The following ZNF160 variants were observed in gnomAD, a reference collection of about 807,000 sequenced individuals.
ZNF160 encodes the protein KRAB zinc finger protein KR18.
Under a neutral mutation model 13.1 loss-of-function variants are expected in ZNF160, and 9 were observed. The ratio of observed to expected loss-of-function variants is 0.69; its 90% CI spans 0.41 to 1.20. The LOEUF is 1.20. ZNF160 is among the 50% of genes most tolerant of loss of function. ZNF160 has a pLI of 0.01. For synonymous variants in ZNF160, 293 were observed against 333.2 expected (o/e 0.88, Z 1.31); for missense variants, 838 against 988.0 (o/e 0.85, Z 2.04).
At chr19:53,096,211 T>C (rs1249652194) in intron 1 of ZNF160, among the ~76,000 whole-genome samples, 1 of 152,204 alleles carries the variant, frequency 6.6e-6, no homozygotes, top group Non-Finnish European at 1.5e-5. Flanking sequence ...AGAACGAGAC[T>C]CCGTCTCAAA....
intron 3 of ZNF160, among the ~76,000 whole-genome samples, chr19:53,082,349 G>A (rs375926283): frequency 1.3e-5 from 2 of 152,214 alleles, no homozygotes; most frequent in East Asian, 3.8e-4. Flanking sequence ...GTGGAAAAAT[G>A]AAATTGTTTT....
intron 2 of ZNF160, among the ~76,000 whole-genome samples, chr19:53,090,211 T>TTCC (rs2084983395): frequency 6.6e-6 from 1 of 151,890 alleles, no homozygotes; most frequent in African/African-American, 2.4e-5. Context: ...TGACTCCAAA[T>TTCC]TCCTCCTCCT....
At position 53,069,675 on chromosome 19, in the gene ZNF160, A is replaced by G. The variant is rs1459174248; in HGVS notation, c.859T>C (p.Cys287Arg). Residue 287 changes from cysteine (C) to arginine (R), a missense_variant, in exon 6 of 6, where the codon TGC (cysteine) becomes CGC (arginine). Cys to Arg is a radical substitution (Grantham distance 180). Coordinates refer to ENST00000683776, the MANE Select transcript of ZNF160 (RefSeq NM_001322131.2). This position sits in a 1 kb window ranked among gnomAD's most constrained non-coding sequence, Gnocchi z 4.4. ...GTAAAGGTTTTGCCGCACTCACTGC[A>G]TTTGTAAGGCTTCTCTCCACTATGA... is the stretch of plus-strand genomic sequence containing the variant. ...RIHSGEKPYKCSECGKTFTVR... is the reference protein window; with the variant it reads ...RIHSGEKPYKRSECGKTFTVR... 6.2e-7 allele frequency: 1 copy of G among 1,614,164 alleles called. No individual in the cohort carries two copies. The highest frequency in any genetic ancestry group is 8.5e-7 in the Non-Finnish European group (1 of 1,180,008).
chr19:53,100,337 G>A (rs12979992), intron 1 of ZNF160, among the ~76,000 whole-genome samples: 27,224 of 152,192 alleles, frequency 0.18, 3,004 homozygotes, highest in East Asian at 0.36. Flanking sequence ...TTGGCCGAGC[G>A]TGGTGGCTCA....
At chr19:53,100,038 T>C (rs1445740651) in intron 1 of ZNF160, among the ~76,000 whole-genome samples, 1 of 152,154 alleles carries the variant, frequency 6.6e-6, no homozygotes, top group Non-Finnish European at 1.5e-5. Flanking sequence ...ATTCCTCTTT[T>C]CCAGAAAAAC....
intron 1 of ZNF160, among the ~76,000 whole-genome samples, chr19:53,098,088 G>C (rs1374097729): frequency 6.6e-6 from 1 of 152,176 alleles, no homozygotes; most frequent in African/African-American, 2.4e-5. Flanking sequence ...CTGTTTCCCA[G>C]GTAACCTGAG....
chr19:53,093,330 T>C (rs2085104732), intron 1 of ZNF160, among the ~76,000 whole-genome samples: 1 of 151,996 alleles, frequency 6.6e-6, no homozygotes, highest in South Asian at 2.1e-4. Context: ...TCCCAGTTAC[T>C]AGGGAGGCTG....
In ZNF160 at chr19:53,068,467, G is replaced by A. The variant is rs1383573736; in HGVS notation, c.2067C>T (p.Asn689=). The A allele has an allele frequency of 3.7e-6, 6 of 1,613,206 alleles. No individual in the cohort carries two copies. In the East Asian group the frequency reaches 6.7e-5, roughly 18 times the overall value. The change falls in exon 6 of 6, where the codon AAC becomes AAT. Residue 689 remains asparagine, a synonymous_variant. Transcript: ENST00000683776. Reference sequence around the variant, plus strand: ...TCCTTTGATGATTTGCAAGGTGTGAGTTCTGAGTGAAGACCTTGCCACATT... The same window carrying A: ...TCCTTTGATGATTTGCAAGGTGTGAATTCTGAGTGAAGACCTTGCCACATT... The part of the protein sequence containing the change: ...CNQCGKVFTQ[N]SHLANHQRTH...
At chr19:53,079,660 C>CAAAAAA (rs33935376) in intron 3 of ZNF160, among the ~76,000 whole-genome samples, 1 of 124,526 alleles carries the variant, frequency 8.0e-6, no homozygotes, top group Non-Finnish European at 1.7e-5. Flanking sequence ...ACAATAGCAG[C>CAAAAAA]AAAAAAAAAA....
rs373435924 is a variant in ZNF160 at position 53,089,784 on chromosome 19, T to C, written c.-46+1629A>G. On this transcript the variant is annotated intron_variant, in intron 2 of 5. Coordinates refer to ENST00000683776, the MANE Select transcript of ZNF160 (RefSeq NM_001322131.2). ...TCCTGTGTGTTTCCCTCTCTCATTC[T>C]GTACATATCTCATCCTCACCTTCCC... Among the ~76,000 whole-genome samples, 47 of 152,238 alleles carry C rather than the reference T, an allele frequency of 3.1e-4. 1 individual carries two copies. In the South Asian group the frequency reaches 9.6e-3, roughly 31 times the overall value.
intron 1 of ZNF160, among the ~76,000 whole-genome samples, chr19:53,098,458 T>G (rs1264246766): frequency 1.3e-5 from 2 of 152,074 alleles, no homozygotes; most frequent in African/African-American, 4.8e-5. Flanking sequence ...ATTCTAGAAG[T>G]TGGCCATGCT....
chr19:53,087,723 T>G (rs1170919437), intron 2 of ZNF160, among the ~76,000 whole-genome samples: 1 of 152,126 alleles, frequency 6.6e-6, no homozygotes, highest in Non-Finnish European at 1.5e-5. Flanking sequence ...GCTAATTTTT[T>G]GTATTTTTAG....
chr19:53,072,515 T>C (rs2084217725), intron 5 of ZNF160, among the ~76,000 whole-genome samples: 1 of 152,186 alleles, frequency 6.6e-6, no homozygotes, highest in South Asian at 2.1e-4. Context: ...AATAACTGCA[T>C]ATATAAAATG....
intron 5 of ZNF160, chr19:53,073,470 C>T: frequency 6.3e-7 from 1 of 1,598,172 alleles, no homozygotes; most frequent in Non-Finnish European, 8.5e-7. Context: ...GCAGCAGATG[C>T]CAAGGAGCAG....
At chr19:53,087,969 T>A (rs1449244385) in intron 2 of ZNF160, among the ~76,000 whole-genome samples, 1 of 152,050 alleles carries the variant, frequency 6.6e-6, no homozygotes, top group African/African-American at 2.4e-5. Context: ...GCAGGGTACA[T>A]GGGGCTGAGT....
chr19:53,069,682 A>C lies in ZNF160; in HGVS notation c.852T>G (p.Pro284=). The C allele has an allele frequency of 6.2e-6, 10 of 1,614,166 alleles. No individual in the cohort carries two copies. The highest frequency in any genetic ancestry group is 6.8e-6 in the Non-Finnish European group (8 of 1,180,010). ...SHRRIHSGEK[P]YKCSECGKTF... ...TTTTGCCGCACTCACTGCATTTGTA[A>C]GGCTTCTCTCCACTATGAATTCTCC... is the stretch of plus-strand genomic sequence containing the variant. Residue 284 remains proline (P), a synonymous_variant, in exon 6 of 6, where the codon CCT becomes CCG. Transcript: ENST00000683776. This position sits in a 1 kb window ranked among gnomAD's most constrained non-coding sequence, Gnocchi z 4.4.
intron 2 of ZNF160, among the ~76,000 whole-genome samples, chr19:53,089,416 A>G (rs1185208404): frequency 1.3e-5 from 2 of 152,228 alleles, no homozygotes; most frequent in African/African-American, 4.8e-5. Context: ...AATCAGCATC[A>G]TATAATACTA....
chr19:53,067,810 C>T lies in ZNF160; in HGVS notation c.*267G>A, dbSNP rs1012740379. Reference sequence around the variant, plus strand: ...CCTCCTAGGAATCCTCACTTACCATCGGTCACTGGGTAATGGCCTCAGGAT... The same window carrying T: ...CCTCCTAGGAATCCTCACTTACCATTGGTCACTGGGTAATGGCCTCAGGAT... On this transcript the variant is annotated 3_prime_UTR_variant, in exon 6 of 6. Coordinates refer to ENST00000683776, the MANE Select transcript of ZNF160 (RefSeq NM_001322131.2). 1.1e-5 allele frequency: 4 copies of T among 365,528 alleles called. No individual in the cohort carries two copies. Among genetic ancestry groups the T allele is most frequent in the South Asian group, 6.8e-5 (1 of 14,706 alleles). 22.6% of individuals were successfully genotyped at this position (365,528 alleles called of 1,614,324 possible). A position where few individuals can be genotyped will look rare whatever the true frequency, so the allele number is the denominator to read the frequency against.
At chr19:53,087,206 C>A (rs1055950702) in intron 2 of ZNF160, among the ~76,000 whole-genome samples, 5 of 152,130 alleles carry the variant, frequency 3.3e-5, no homozygotes, top group African/African-American at 1.2e-4. Context: ...AGGAAAGGGG[C>A]CTGTGTGACT....
Sources: gnomAD v4.1 joint callset for allele counts (sites outside exome capture counted in the v4.1 genomes callset) on GRCh38, gnomAD v4.1.1 for gene constraint, Gnocchi (gnomAD v3.1) non-coding constraint, MANE v1.5 for transcripts, NCBI Gene and HGNC (gene_info 2026-07-23, HGNC 2026-07-21) for gene names.